ASXL2: variants seen among roughly 807,000 people sequenced by gnomAD.
The protein encoded by ASXL2 is putative Polycomb group protein ASXL2.
ASXL2 carries 23 observed loss-of-function variants against 122.0 expected under a neutral mutation model. The ratio of observed to expected loss-of-function variants is 0.19; its 90% CI spans 0.14 to 0.27. ASXL2 has a LOEUF of 0.27. ASXL2 is among the 10% of genes least tolerant of loss of function. The pLI, the probability that ASXL2 is intolerant of heterozygous loss-of-function variation, is 1.00. For missense variants in ASXL2, 1,518 were observed against 1,713.8 expected (o/e 0.89, Z 2.02); for synonymous variants, 650 against 637.0 (o/e 1.02, Z -0.31).
chr2:25,759,732 C>A, intron 8 of ASXL2, 87 bp from the exon 9 acceptor site: 1 of 1,354,888 alleles, frequency 7.4e-7, no homozygotes, highest in Non-Finnish European at 1.0e-6. Context: ...TATAAAAAAT[C>A]CACAATTGTA....
intron 3 of ASXL2, among the ~76,000 whole-genome samples, chr2:25,829,313 C>T (rs1027398242): frequency 4.0e-5 from 6 of 151,704 alleles, no homozygotes; most frequent in African/African-American, 1.2e-4. Context: ...CACACACACA[C>T]GAGGGTTTAT....
At chr2:25,745,311 C>T (rs1174422094) in intron 12 of ASXL2, among the ~76,000 whole-genome samples, 2 of 150,366 alleles carry the variant, frequency 1.3e-5, no homozygotes, top group East Asian at 2.0e-4. Flanking sequence ...CTCCTGGGTT[C>T]AAGTGATTCT....
chr2:25,761,502 G>A (rs958428133), intron 8 of ASXL2, among the ~76,000 whole-genome samples: 6 of 151,768 alleles, frequency 4.0e-5, no homozygotes, highest in Non-Finnish European at 5.9e-5. Flanking sequence ...GTGAAACATC[G>A]TCTCTACTAA....
At chr2:25,867,962 T>C (rs1257100973) in intron 1 of ASXL2, among the ~76,000 whole-genome samples, 1 of 152,248 alleles carries the variant, frequency 6.6e-6, no homozygotes, top group Non-Finnish European at 1.5e-5. Flanking sequence ...ATTGCTATTA[T>C]GCAGCTTCAA....
intron 5 of ASXL2, among the ~76,000 whole-genome samples, chr2:25,778,501 C>G (rs1238100690): frequency 6.6e-6 from 1 of 152,188 alleles, no homozygotes; most frequent in Non-Finnish European, 1.5e-5. Context: ...TTTGCTTAAG[C>G]CGCTCACTGT....
chr2:25,845,437 G>T, intron 2 of ASXL2, 44 bp downstream of exon 2: 1 of 1,342,894 alleles, frequency 7.4e-7, no homozygotes. Flanking sequence ...CAAATACTCT[G>T]ATCAAGTATT....
chr2:25,790,288 G>A (rs775132504), intron 5 of ASXL2, among the ~76,000 whole-genome samples: 2 of 145,958 alleles, frequency 1.4e-5, no homozygotes, highest in Non-Finnish European at 3.0e-5. Flanking sequence ...CTAGCTAACT[G>A]AGGTGGTGGT....
intron 5 of ASXL2, among the ~76,000 whole-genome samples, chr2:25,786,243 C>CTTTTTTATTTTTT: frequency 8.9e-6 from 1 of 112,420 alleles, no homozygotes; most frequent in Non-Finnish European, 1.7e-5. Flanking sequence ...CCACATCATT[C>CTTTTTTATTTTTT]TTTTTTTTTT....
intron 3 of ASXL2, among the ~76,000 whole-genome samples, chr2:25,821,689 C>A (rs985886802): frequency 6.6e-6 from 1 of 152,070 alleles, no homozygotes; most frequent in Admixed American, 6.5e-5. Context: ...CAAAATGTAT[C>A]CAGAAAACAA....
chr2:25,868,655 A>G (rs978049758), intron 1 of ASXL2, among the ~76,000 whole-genome samples: 1 of 152,226 alleles, frequency 6.6e-6, no homozygotes, highest in African/African-American at 2.4e-5. Context: ...TCTTTCACAA[A>G]GAAAGAGATA....
chr2:25,855,668 A>T (rs1380359897), intron 1 of ASXL2, among the ~76,000 whole-genome samples: 1 of 151,726 alleles, frequency 6.6e-6, no homozygotes, highest in Non-Finnish European at 1.5e-5. Flanking sequence ...TCTTGTCTCA[A>T]ATAAATAAAT....
intron 2 of ASXL2, among the ~76,000 whole-genome samples, chr2:25,839,104 T>C (rs1220216036): frequency 6.6e-6 from 1 of 152,138 alleles, no homozygotes; most frequent in East Asian, 1.9e-4. Flanking sequence ...GAGTAAAAGC[T>C]TACAAAATTG....
rs753367595 is a variant in ASXL2 at position 25,753,488 on chromosome 2, T to C, written c.1142+46A>G. Reference sequence around the variant, plus strand: ...ATGAGATAAAGCACTACATGACTTATATGTAGGAATTAACATTTGGTTTAT... The same window carrying C: ...ATGAGATAAAGCACTACATGACTTACATGTAGGAATTAACATTTGGTTTAT... On this transcript the variant is annotated intron_variant, in intron 11 of 12. Coordinates refer to ENST00000435504, the MANE Select transcript of ASXL2 (RefSeq NM_018263.6). 1.4e-5 allele frequency: 20 copies of C among 1,395,826 alleles called. No homozygotes were observed. The highest frequency in any genetic ancestry group is 1.8e-4 in the Middle Eastern group (1 of 5,604). 86.5% of individuals were successfully genotyped at this position (1,395,826 alleles called of 1,614,324 possible).
At chr2:25,828,567 T>C (rs1288718720) in intron 3 of ASXL2, among the ~76,000 whole-genome samples, 1 of 149,836 alleles carries the variant, frequency 6.7e-6, no homozygotes, top group African/African-American at 2.5e-5. Flanking sequence ...AGCTCACGCC[T>C]GTAATCCCAG....
chr2:25,810,455 C>T, intron 3 of ASXL2: 1 of 716,792 alleles, frequency 1.4e-6, no homozygotes, highest in Non-Finnish European at 2.6e-6. Context: ...GCCACGTGCT[C>T]CTGAGCACAG....
chr2:25,781,966 C>CTTTTTTTT (rs35973982), intron 5 of ASXL2, among the ~76,000 whole-genome samples: 3 of 81,074 alleles, frequency 3.7e-5, no homozygotes, highest in Admixed American at 1.5e-4. Flanking sequence ...GGGCTTTTTT[C>CTTTTTTTT]TTTTTTTTTT....
At chr2:25,813,619 G>GA (rs1275142562) in intron 3 of ASXL2, among the ~76,000 whole-genome samples, 3 of 151,820 alleles carry the variant, frequency 2.0e-5, no homozygotes, top group South Asian at 2.1e-4. Context: ...AAGTCAGAGA[G>GA]AAAAAAAATC....
chr2:25,810,789 C>A, intron 3 of ASXL2: 1 of 517,418 alleles, frequency 1.9e-6, no homozygotes, highest in South Asian at 1.7e-5. Context: ...ATTTAAGTCA[C>A]AAGAAGCTGA....
intron 1 of ASXL2, among the ~76,000 whole-genome samples, chr2:25,851,378 G>A (rs1395591586): frequency 1.3e-5 from 2 of 152,016 alleles, no homozygotes; most frequent in African/African-American, 4.8e-5. Flanking sequence ...GCTATTCATT[G>A]GCTATTGTCC....
Sources: allele counts gnomAD v4.1 joint callset (sites outside exome capture counted in the v4.1 genomes callset), GRCh38; gene constraint gnomAD v4.1.1; transcripts MANE v1.5; gene names NCBI Gene and HGNC (gene_info 2026-07-23, HGNC 2026-07-21).